The following ZNF587 variants were observed in gnomAD, a reference collection of about 807,000 sequenced individuals.
The protein encoded by ZNF587 is zinc finger protein 587, also known as zinc finger protein zfp6.
Under a neutral mutation model 7.5 loss-of-function variants are expected in ZNF587, and 8 were observed. That is an observed-to-expected ratio of 1.06 (90% CI 0.62 to 1.92). The LOEUF (loss-of-function observed/expected upper bound fraction) is 1.92, where lower values mean the gene tolerates loss of function less well. Among genes scored for constraint, ZNF587 ranks in the 40% most tolerant of loss-of-function variants. The probability of loss-of-function intolerance (pLI) is 0.00; values close to 1 mark genes in which losing one functional copy is unlikely to be tolerated. For missense variants in ZNF587, 468 were observed against 692.8 expected, an observed-to-expected ratio of 0.68 and a Z score of 3.64; for synonymous variants, 145 against 237.8, an observed-to-expected ratio of 0.61 and a Z score of 3.59.
chr19:57,857,768 G>C (rs371653018), intron 2 of ZNF587, among the ~76,000 whole-genome samples: 53 of 151,928 alleles, frequency 3.5e-4, no homozygotes, highest in African/African-American at 1.3e-3. Flanking sequence ...CCAAGTAGCT[G>C]GGATTACAGG....
Position 57,857,931 on chromosome 19 carries a change from C to T in ZNF587, c.164-645C>T, listed in dbSNP as rs568442780. 1.9e-3 allele frequency among the ~76,000 whole-genome samples: 286 copies of T among 151,772 alleles called. 1 individual carries two copies. Among genetic ancestry groups the T allele is most frequent in the Non-Finnish European group, 3.4e-3 (229 of 67,980 alleles). On this transcript the variant is annotated intron_variant, in intron 2 of 2. Coordinates refer to ENST00000339656, the MANE Select transcript of ZNF587 (RefSeq NM_032828.4). ...GATTACAGGAGTGAGCCACCGTGCC[C>T]GGCCCATATTCTTCTATATAGCACT...
chr19:57,851,225 G>C lies in ZNF587; in HGVS notation c.33+1154G>C, dbSNP rs1398850852. The stretch of plus-strand genomic sequence containing the variant: ...CAACTTGGGGAGGTTCAGACTCTTG[G>C]AGCCAGAAGCTGCATGACCCCTAAA... On this transcript the variant is annotated intron_variant, in intron 1 of 2. Coordinates refer to ENST00000339656, the MANE Select transcript of ZNF587 (RefSeq NM_032828.4). 3.3e-5 allele frequency: 5 copies of C among 152,120 alleles called. 1 individual carries two copies. The East Asian group carries it at 9.6e-4, about 29-fold the overall frequency. 9.4% of individuals were successfully genotyped at this position (152,120 alleles called of 1,614,324 possible). A position where few individuals can be genotyped will look rare whatever the true frequency, so the allele number is the denominator to read the frequency against.
Position 57,860,346 on chromosome 19 carries a change from G to C in ZNF587, c.*206G>C. 3.3e-6 allele frequency: 3 copies of C among 918,028 alleles called. No individual in the cohort carries two copies. The highest frequency in any genetic ancestry group is 4.9e-6 in the Non-Finnish European group (3 of 618,322). 56.9% of individuals were successfully genotyped at this position (918,028 alleles called of 1,614,324 possible). A position where few individuals can be genotyped will look rare whatever the true frequency, so the allele number is the denominator to read the frequency against. ...TGCAGTGGTGCAGTCTTGGCTCGCT[G>C]CAACTTGGGCCTCCTGGGTTCATGC... On this transcript the variant is annotated 3_prime_UTR_variant, in exon 3 of 3. Transcript: ENST00000339656.
Position 57,860,906 on chromosome 19 carries a change from G to A in ZNF587, c.*766G>A, listed in dbSNP as rs1322657221. 1 of 152,150 alleles carries A rather than the reference G, an allele frequency of 6.6e-6. No individual in the cohort carries two copies. The highest frequency in any genetic ancestry group is 2.4e-5 in the African/African-American group (1 of 41,424). 9.4% of individuals were successfully genotyped at this position (152,150 alleles called of 1,614,324 possible). ...AGAGTCTCACTCTGTCACCCAGGCG[G>A]GAGTTAGGTGGCATGATTTCGGCTC... is the stretch of plus-strand genomic sequence containing the variant. On this transcript the variant is annotated 3_prime_UTR_variant, in exon 3 of 3. Transcript: ENST00000339656.
intron 2 of ZNF587, among the ~76,000 whole-genome samples, chr19:57,856,570 G>A (rs901485956): frequency 1.3e-5 from 2 of 151,892 alleles, no homozygotes; most frequent in Non-Finnish European, 2.9e-5. Flanking sequence ...ACCACGCCTG[G>A]CTAATTTTTT....
chr19:57,851,510 C>A, intron 1 of ZNF587: 2 of 153,062 alleles, frequency 1.3e-5, no homozygotes, highest in South Asian at 4.0e-4. Flanking sequence ...TTTGCAAAGT[C>A]GGTTTCACCT....
At chr19:57,852,415 G>A (rs1388840808) in intron 1 of ZNF587, 1 of 398,618 alleles carries the variant, frequency 2.5e-6, no homozygotes, top group East Asian at 3.6e-5. Context: ...GAGGAAGAAA[G>A]GTCAGAGATA....
chr19:57,852,906 C>G (rs1251232868), intron 1 of ZNF587, among the ~76,000 whole-genome samples: 1 of 116,294 alleles, frequency 8.6e-6, no homozygotes, highest in African/African-American at 3.3e-5. Flanking sequence ...AGCCTGGAGT[C>G]TAGTGGCACA....
rs2071447537 is a variant in ZNF587 at position 57,862,612 on chromosome 19, G to GC, written c.*2475dup. The GC allele has an allele frequency of 6.5e-6, 1 of 154,804 alleles. No homozygotes were observed. The highest frequency in any genetic ancestry group is 2.4e-5 in the African/African-American group (1 of 41,492). The allele number at this position is 154,804 out of a possible 1,614,324, so 9.6% of individuals were successfully genotyped here. A position where few individuals can be genotyped will look rare whatever the true frequency, so the allele number is the denominator to read the frequency against. On this transcript the variant is annotated 3_prime_UTR_variant, in exon 3 of 3. Transcript: ENST00000339656. ...CAGAATCTTTTTTCAGGGGTCACATGCCCATTTCCCCACTTGCATGAATGT... is the reference window on the plus strand; with the variant it reads ...CAGAATCTTTTTTCAGGGGTCACATGCCCCATTTCCCCACTTGCATGAATGT...
chr19:57,856,371 C>T (rs1162175430), intron 2 of ZNF587, 138 bp downstream of exon 2: 10 of 1,393,192 alleles, frequency 7.2e-6, no homozygotes, highest in East Asian at 2.6e-5. Flanking sequence ...TTGTGTGGTT[C>T]GTAGGAGTAA....
chr19:57,850,176 G>A, intron 1 of ZNF587, 105 bp downstream of exon 1: 7 of 1,606,170 alleles, frequency 4.4e-6, no homozygotes, highest in Non-Finnish European at 6.0e-6. Flanking sequence ...GGTACCCGGC[G>A]TAGGAACACT....
In ZNF587 at chr19:57,849,968, T is replaced by C; in HGVS notation, c.-71T>C. 6.2e-7 allele frequency: 1 copy of C among 1,613,634 alleles called. No homozygotes were observed. ...GAAGGTGGAGAGGAATCGTCCTCGG[T>C]GCCCAGAGGCGGCTCTGCAGCCCCG... On this transcript the variant is annotated 5_prime_UTR_variant, in exon 1 of 3. Transcript: ENST00000339656.
chr19:57,854,262 G>C (rs1200594873), intron 1 of ZNF587, among the ~76,000 whole-genome samples: 1 of 151,982 alleles, frequency 6.6e-6, no homozygotes, highest in East Asian at 1.9e-4. Context: ...GGTCTCAGCT[G>C]GTGCAGCACA....
chr19:57,859,843 C>G lies in ZNF587; in HGVS notation c.1431C>G (p.His477Gln). ...EVCGKLFGNKHSVTIHQRIHT... is the reference protein window; with the variant it reads ...EVCGKLFGNKQSVTIHQRIHT... ...GTGGGAAATTATTTGGCAATAAGCA[C>G]AGCGTGACTATACATCAGAGGATTC... Residue 477 changes from histidine (H) to glutamine (Q), a missense_variant, in exon 3 of 3, where the codon CAC becomes CAG. Physicochemically the swap from His to Gln is conservative, Grantham distance 24. This residue lies in a region of ZNF587 where 310 missense variants were observed against 325.6 expected (regional missense o/e 0.95). Transcript: ENST00000339656. 6.2e-7 allele frequency: 1 copy of G among 1,614,066 alleles called. No individual in the cohort carries two copies. Among genetic ancestry groups the G allele is most frequent in the Non-Finnish European group, 8.5e-7 (1 of 1,180,000 alleles).
rs1182222820 is a variant in ZNF587 at position 57,862,836 on chromosome 19, T to C, written c.*2696T>C. On this transcript the variant is annotated 3_prime_UTR_variant, in exon 3 of 3. Transcript: ENST00000339656. ...GCCTAGAATCTGTTTCCTCTCACTC[T>C]GAATTATTCTTCCTCTTATGGCTGA... 1 of 155,092 alleles carries C rather than the reference T, an allele frequency of 6.4e-6. No homozygotes were observed. The highest frequency in any genetic ancestry group is 1.5e-5 in the Non-Finnish European group (1 of 68,242). 9.6% of individuals were successfully genotyped at this position (155,092 alleles called of 1,614,324 possible). A position where few individuals can be genotyped will look rare whatever the true frequency, so the allele number is the denominator to read the frequency against.
At chr19:57,852,840 CTTTTTTTTT>C (rs35543941) in intron 1 of ZNF587, among the ~76,000 whole-genome samples, 2 of 25,284 alleles carry the variant, frequency 7.9e-5, no homozygotes, top group African/African-American at 1.9e-4. Flanking sequence ...GACAGCTAGG[CTTTTTTTTT>C]TTTTTTTTTT....
chr19:57,860,225 G>C lies in ZNF587; in HGVS notation c.*85G>C, dbSNP rs10406582. On this transcript the variant is annotated 3_prime_UTR_variant, in exon 3 of 3. Coordinates refer to ENST00000339656, the MANE Select transcript of ZNF587 (RefSeq NM_032828.4). ...TTCATACTGGAGAAAGGCCTTATGAGTGCTGTCAATGTGGAAAACATCAGA... is the reference window on the plus strand; with the variant it reads ...TTCATACTGGAGAAAGGCCTTATGACTGCTGTCAATGTGGAAAACATCAGA... The C allele has an allele frequency of 0.034, 53,931 of 1,605,520 alleles. 6,682 individuals are homozygous for C. The African/African-American group carries it at 0.41, about 12-fold the overall frequency.
At position 57,851,527 on chromosome 19, in the gene ZNF587, G is replaced by T; in HGVS notation, c.33+1456G>T. ...TGCAAAGTCGGTTTCACCTGTTTCT[G>T]ACACCAGTGGGATGCAGTGGGGAGA... is the stretch of plus-strand genomic sequence containing the variant. On this transcript the variant is annotated intron_variant, in intron 1 of 2. Coordinates refer to ENST00000339656, the MANE Select transcript of ZNF587 (RefSeq NM_032828.4). 3 of 153,698 alleles carry T rather than the reference G, an allele frequency of 2.0e-5. No homozygotes were observed. The South Asian group carries it at 5.7e-4, about 29-fold the overall frequency. The allele number at this position is 153,698 out of a possible 1,614,324, so 9.5% of individuals were successfully genotyped here.
At chr19:57,853,503 G>A (rs1172938024) in intron 1 of ZNF587, among the ~76,000 whole-genome samples, 1 of 152,062 alleles carries the variant, frequency 6.6e-6, no homozygotes, top group African/African-American at 2.4e-5. Flanking sequence ...TCTTTTCAGG[G>A]GGCAGAAAGG....
Sources: gnomAD v4.1 joint callset for allele counts (sites outside exome capture counted in the v4.1 genomes callset) on GRCh38, gnomAD v4.1.1 for gene constraint, gnomAD v4.1.1 regional missense constraint, MANE v1.5 for transcripts, NCBI Gene and HGNC (gene_info 2026-07-23, HGNC 2026-07-21) for gene names.